MCF2L: variants seen among roughly 807,000 people sequenced by gnomAD.
MCF2L encodes the protein MCF.2 cell line derived transforming sequence like, also known as guanine nucleotide exchange factor DBS.
A neutral mutation model predicts 153.4 loss-of-function variants in MCF2L; 97 were observed. The observed-to-expected ratio is 0.63, with a 90% confidence interval of 0.54 to 0.75. MCF2L has a LOEUF of 0.75. MCF2L is among the 30% of genes least tolerant of loss of function. MCF2L has a pLI of 0.00. For missense variants in MCF2L, 1,347 were observed against 1,495.2 expected, an observed-to-expected ratio of 0.90 and a Z score of 1.64; for synonymous variants, 659 against 632.2, an observed-to-expected ratio of 1.04 and a Z score of -0.64.
At chr13:112,913,657 T>G (rs2140532236) in intron 2 of MCF2L, among the ~76,000 whole-genome samples, 1 of 152,284 alleles carries the variant, frequency 6.6e-6, no homozygotes, top group South Asian at 2.1e-4. Context: ...CATCTGTGGG[T>G]CAGTCTGTCC....
At chr13:112,999,042 G>A (rs1052640710) in intron 1 of MCF2L, among the ~76,000 whole-genome samples, 4 of 152,214 alleles carry the variant, frequency 2.6e-5, no homozygotes, top group African/African-American at 4.8e-5. Context: ...TTCGGGCCAC[G>A]TGTTCCGGCC....
At chr13:113,043,038 T>G (rs1345034298) in intron 3 of MCF2L, 1 of 152,246 alleles carries the variant, frequency 6.6e-6, no homozygotes, top group Non-Finnish European at 1.5e-5. Flanking sequence ...GTGGCTTCAT[T>G]TCACTCTCAC....
rs77114046 is a variant in MCF2L, at chr13:112,943,963, G to A, written c.169+41592G>A. The stretch of plus-strand genomic sequence containing the variant: ...CCTGCGGGCCAGGGGCGCAGAGAGG[G>A]TCCCGGGCCGTGAGGGGAGGGTCCC... On this transcript the variant is annotated intron_variant, in intron 2 of 29. Transcript: ENST00000375608. The surrounding 1 kb of genome is among the most constrained non-coding windows in gnomAD (Gnocchi z 4.2). Among the ~76,000 whole-genome samples the A allele has an allele frequency of 2.0e-3, 309 of 151,814 alleles. 6 individuals carry two copies. The East Asian group carries it at 0.03, about 15-fold the overall frequency.
Position 113,096,863 on chromosome 13 carries a change from G to T in MCF2L, c.*4G>T. 2.8e-6 allele frequency: 4 copies of T among 1,426,532 alleles called. No individual in the cohort carries two copies. Among genetic ancestry groups the T allele is most frequent in the Non-Finnish European group, 3.6e-6 (4 of 1,098,062 alleles). 88.4% of individuals were successfully genotyped at this position (1,426,532 alleles called of 1,614,324 possible). On this transcript the variant is annotated 3_prime_UTR_variant, in exon 30 of 30. Coordinates refer to ENST00000535094, the MANE Select transcript of MCF2L (RefSeq NM_001112732.3). The stretch of plus-strand genomic sequence containing the variant: ...CTTCTCCGACCTGCAGGGGTAGCGC[G>T]GCCTCGGCGCCGGAGACCCGCGCGC...
intron 3 of MCF2L, among the ~76,000 whole-genome samples, chr13:113,038,464 C>CA (rs59638426): frequency 0.013 from 1,400 of 111,856 alleles, 19 homozygotes; most frequent in African/African-American, 0.04. Flanking sequence ...GCCTCCATCT[C>CA]AAAAAAAAAA....
At chr13:113,078,784 A>G in intron 15 of MCF2L, 45 bp downstream of exon 15, 2 of 1,519,150 alleles carry the variant, frequency 1.3e-6, no homozygotes, top group Non-Finnish European at 1.8e-6. Context: ...CTCCGACCGC[A>G]GCCTGAACCA....
In MCF2L at chr13:113,087,273, C is replaced by G. The variant is rs761571967; in HGVS notation, c.2412C>G (p.Gly804=). The change falls in exon 22 of 30, where the codon GGC becomes GGG. Residue 804 remains glycine (G), a synonymous_variant. Coordinates refer to ENST00000535094, the MANE Select transcript of MCF2L (RefSeq NM_001112732.3). ...ACCTGGGCAAGCTGCTGATGCAGGGCTCGTTCAGCGTCTGGACCGACCACA... is the reference window on the plus strand; with the variant it reads ...ACCTGGGCAAGCTGCTGATGCAGGGGTCGTTCAGCGTCTGGACCGACCACA... ...LGDLGKLLMQ[G]SFSVWTDHKR... 6.2e-7 allele frequency: 1 copy of G among 1,612,718 alleles called. No individual in the cohort carries two copies. Among genetic ancestry groups the G allele is most frequent in the Non-Finnish European group, 8.5e-7 (1 of 1,179,990 alleles).
chr13:112,937,792 ATAAGTTGGTTCAGG>A (rs2081530223), intron 2 of MCF2L, among the ~76,000 whole-genome samples: 1 of 149,310 alleles, frequency 6.7e-6, no homozygotes, highest in Non-Finnish European at 1.5e-5. Context: ...GTGAGCACTG[ATAAGTTGGTTCAGG>A]TGTGCTCTGA....
At chr13:113,065,172 G>A in intron 7 of MCF2L, 87 bp downstream of exon 7, 2 of 1,515,670 alleles carry the variant, frequency 1.3e-6, no homozygotes, top group South Asian at 1.2e-5. Context: ...GCTGCGGGGG[G>A]TCTTTCGTCC....
In MCF2L at chr13:113,057,765, G is replaced by A. The variant is rs557903962; in HGVS notation, c.370-2828G>A. Among the ~76,000 whole-genome samples, 484 of 147,760 alleles carry A rather than the reference G, an allele frequency of 3.3e-3. 3 individuals carry two copies. The highest frequency in any genetic ancestry group is 0.011 in the African/African-American group (451 of 39,806). On this transcript the variant is annotated intron_variant, in intron 4 of 29. Coordinates refer to ENST00000535094, the MANE Select transcript of MCF2L (RefSeq NM_001112732.3). ...GTGCTGAGTGGGCACTGAGTGTTTGGGTGCTGAGTGTTTAGTAGCTGCGTG... is the reference window on the plus strand; with the variant it reads ...GTGCTGAGTGGGCACTGAGTGTTTGAGTGCTGAGTGTTTAGTAGCTGCGTG...
At chr13:113,083,864 G>A (rs775821703) in intron 17 of MCF2L, 134 bp from the exon 18 acceptor site, 61 of 725,894 alleles carry the variant, frequency 8.4e-5, no homozygotes, top group African/African-American at 4.0e-4. Context: ...TGGCTGCGGC[G>A]TCTCCAAGTC....
At chr13:112,961,981 G>C (rs558512403) in intron 2 of MCF2L, among the ~76,000 whole-genome samples, 3 of 152,222 alleles carry the variant, frequency 2.0e-5, no homozygotes, top group Admixed American at 2.0e-4. Flanking sequence ...GAGGGGACAT[G>C]CACACACACA....
In MCF2L at chr13:113,070,204, C is replaced by T. The variant is rs368811550; in HGVS notation, c.996+31C>T. 18 of 1,465,070 alleles carry T rather than the reference C, an allele frequency of 1.2e-5. No individual in the cohort carries two copies. The East Asian group carries it at 3.3e-4, about 27-fold the overall frequency. The allele number at this position is 1,465,070 out of a possible 1,614,324, so 90.8% of individuals were successfully genotyped here. Reference sequence around the variant, plus strand: ...TGGCCCTGGGTGGAGCCGGCAGCCGCCCTGATGCTCACGGGGCCTCCTGTG... The same window carrying T: ...TGGCCCTGGGTGGAGCCGGCAGCCGTCCTGATGCTCACGGGGCCTCCTGTG... On this transcript the variant is annotated intron_variant, in intron 9 of 29. Coordinates refer to ENST00000535094, the MANE Select transcript of MCF2L (RefSeq NM_001112732.3). The surrounding 1 kb of genome is among the most constrained non-coding windows in gnomAD (Gnocchi z 5.6).
intron 15 of MCF2L, among the ~76,000 whole-genome samples, chr13:113,079,940 TCCA>T (rs1204754929): frequency 6.7e-6 from 1 of 148,956 alleles, no homozygotes; most frequent in East Asian, 2.0e-4. Context: ...CAGAGGAGTG[TCCA>T]TACCGAGGAG....
intron 4 of MCF2L, among the ~76,000 whole-genome samples, chr13:113,052,169 C>T (rs1332044504): frequency 6.6e-6 from 1 of 152,104 alleles, no homozygotes; most frequent in African/African-American, 2.4e-5. Flanking sequence ...ACTGGGTGCC[C>T]CGTAAGTAGA....
intron 1 of MCF2L, chr13:112,979,734 G>A (rs758443618): frequency 6.2e-7 from 1 of 1,612,338 alleles, no homozygotes; most frequent in Non-Finnish European, 8.5e-7. Context: ...GAGGCGCCGG[G>A]GAACTGCAGG....
At chr13:112,974,334 G>A (rs9549618) in intron 1 of MCF2L, among the ~76,000 whole-genome samples, 31,943 of 151,900 alleles carry the variant, frequency 0.21, 3,749 homozygotes, top group South Asian at 0.27. Context: ...GGCCCCCGGC[G>A]TGGCCAACCT....
chr13:113,043,061 G>T (rs555341634), intron 3 of MCF2L: 8 of 152,384 alleles, frequency 5.2e-5, no homozygotes, highest in African/African-American at 1.7e-4. Flanking sequence ...TAACCGCTGG[G>T]GGTGGATTCT....
Position 112,969,779 on chromosome 13 carries a change from A to G in MCF2L, c.79+321A>G, listed in dbSNP as rs1420571602. Among the ~76,000 whole-genome samples, 4 of 152,132 alleles carry G rather than the reference A, an allele frequency of 2.6e-5. No homozygotes were observed. Among genetic ancestry groups the G allele is most frequent in the Non-Finnish European group, 1.5e-5 (1 of 68,032 alleles). ...CCGCAGCCCTCGCAATGGAGAATGC[A>G]TTGCGAATGGAGAATGATCTGAGCC... On this transcript the variant is annotated intron_variant, in intron 1 of 29. Coordinates refer to ENST00000535094, the MANE Select transcript of MCF2L (RefSeq NM_001112732.3). This position sits in a 1 kb window ranked among gnomAD's most constrained non-coding sequence, Gnocchi z 4.8.
Sources: gnomAD v4.1 joint callset for allele counts (sites outside exome capture counted in the v4.1 genomes callset) on GRCh38, gnomAD v4.1.1 for gene constraint, Gnocchi (gnomAD v3.1) non-coding constraint, MANE v1.5 for transcripts, NCBI Gene and HGNC (gene_info 2026-07-23, HGNC 2026-07-21) for gene names.